Variants in SH2B3 observed in about 807,000 individuals in gnomAD.
The protein encoded by SH2B3 is SH2B adaptor protein 3.
In SH2B3, 43 loss-of-function variants were observed where a neutral mutation model predicts 51.9. The ratio of observed to expected loss-of-function variants is 0.83; its 90% CI spans 0.65 to 1.07. The LOEUF is 1.07. SH2B3 is among the 50% of genes least tolerant of loss of function. The pLI is 0.00. For missense variants in SH2B3, 952 were observed against 834.3 expected, an observed-to-expected ratio of 1.14 and a Z score of -1.74; for synonymous variants, 396 against 376.0, an observed-to-expected ratio of 1.05 and a Z score of -0.62.
chr12:111,414,448 C>T (rs138627344), intron 1 of SH2B3, among the ~76,000 whole-genome samples: 2 of 152,004 alleles, frequency 1.3e-5, no homozygotes, highest in East Asian at 1.9e-4. Flanking sequence ...AAAAATTAAC[C>T]AGGTGTCGTG....
At chr12:111,433,829 G>A (rs1447223440) in intron 2 of SH2B3, among the ~76,000 whole-genome samples, 2 of 152,086 alleles carry the variant, frequency 1.3e-5, no homozygotes, top group Non-Finnish European at 2.9e-5. Flanking sequence ...TCCCAGGCTG[G>A]TCTCGAACAC....
rs572850871 is a variant in SH2B3 at position 111,410,173 on chromosome 12, C to T, written c.-28+3896C>T. ...TGACTCACAGGCGCCCAATGGGGGG[C>T]CCCAGCTGGGAGACTGGGAATGTGA... is the stretch of plus-strand genomic sequence containing the variant. On this transcript the variant is annotated intron_variant, in intron 1 of 7. Transcript: ENST00000341259. This position sits in a 1 kb window ranked among gnomAD's most constrained non-coding sequence, Gnocchi z 4.9. 1.3e-5 allele frequency among the ~76,000 whole-genome samples: 2 copies of T among 152,286 alleles called. No individual in the cohort carries two copies. The highest frequency in any genetic ancestry group is 3.9e-4 in the East Asian group (2 of 5,172).
chr12:111,438,730 C>T lies in SH2B3; in HGVS notation c.733-8023C>T, dbSNP rs1277170169. On this transcript the variant is annotated intron_variant, in intron 2 of 7. Coordinates refer to ENST00000341259, the MANE Select transcript of SH2B3 (RefSeq NM_005475.3). The surrounding 1 kb of genome is among the most constrained non-coding windows in gnomAD (Gnocchi z 4.2). ...AAGGAAGTGAAGGGGCTTTGCGGCTCAGGATTTAGATACTGTGGTCAGGGA... is the reference window on the plus strand; with the variant it reads ...AAGGAAGTGAAGGGGCTTTGCGGCTTAGGATTTAGATACTGTGGTCAGGGA... Among the ~76,000 whole-genome samples the T allele has an allele frequency of 1.3e-5, 2 of 152,120 alleles. No individual in the cohort carries two copies. The highest frequency in any genetic ancestry group is 1.3e-4 in the Admixed American group (2 of 15,280).
rs1002500933 is a variant in SH2B3 at position 111,445,604 on chromosome 12, A to G, written c.733-1149A>G. On this transcript the variant is annotated intron_variant, in intron 2 of 7. Transcript: ENST00000341259. The stretch of plus-strand genomic sequence containing the variant: ...GCCAGTGTTGGTCATTCCTGCAGTC[A>G]TTACTCTCCCCCAGCCTGTTGTGTC... Among the ~76,000 whole-genome samples the G allele has an allele frequency of 1.1e-4, 16 of 152,296 alleles. No individual in the cohort carries two copies. In the South Asian group the frequency reaches 1.7e-3, roughly 16 times the overall value.
intron 2 of SH2B3, among the ~76,000 whole-genome samples, chr12:111,440,305 G>C (rs900883040): frequency 6.6e-6 from 1 of 152,250 alleles, no homozygotes; most frequent in Non-Finnish European, 1.5e-5. Context: ...CTGGCCCGGG[G>C]CAGGGTGGTG....
chr12:111,416,931 G>A (rs1871129640), intron 1 of SH2B3, among the ~76,000 whole-genome samples: 2 of 152,202 alleles, frequency 1.3e-5, no homozygotes, highest in South Asian at 2.1e-4. Flanking sequence ...GGTACCCACT[G>A]TTTCAGGATG....
intron 3 of SH2B3, 25 bp downstream of exon 3, chr12:111,446,879 C>A: frequency 8.7e-6 from 14 of 1,604,710 alleles, no homozygotes; most frequent in Non-Finnish European, 1.1e-5. Flanking sequence ...TTTTCACACC[C>A]TGGGGCAATA....
Position 111,418,871 on chromosome 12 carries a change from ACCCAAGGTAAGTAAG to A in SH2B3, c.730_732+12del. The A allele has an allele frequency of 7.1e-7, 1 of 1,407,242 alleles. No homozygotes were observed. Among genetic ancestry groups the A allele is most frequent in the Non-Finnish European group, 9.1e-7 (1 of 1,094,026 alleles). The allele number at this position is 1,407,242 out of a possible 1,614,324, so 87.2% of individuals were successfully genotyped here. ...ACCGCGTGCTGGAGCTCTTCGACCC[ACCCAAGGTAAGTAAG>A]CCCTGCCCGCGGGGTTGCGCACTGC... On this transcript the variant is annotated splice_donor_variant and splice_donor_5th_base_variant and coding_sequence_variant and intron_variant, in exon 2 of 8. Coordinates refer to ENST00000341259, the MANE Select transcript of SH2B3 (RefSeq NM_005475.3). LOFTEE classifies it high-confidence loss of function. This position sits in a 1 kb window ranked among gnomAD's most constrained non-coding sequence, Gnocchi z 6.7.
chr12:111,405,235 C>T (rs538445017), upstream of SH2B3, among the ~76,000 whole-genome samples: 48 of 152,172 alleles, frequency 3.2e-4, no homozygotes, highest in Non-Finnish European at 5.3e-4. The surrounding 1 kb of genome is among the most constrained non-coding windows in gnomAD (Gnocchi z 5.4). Flanking sequence ...GGGGACAGGA[C>T]GGGCGGCCGG....
intron 2 of SH2B3, among the ~76,000 whole-genome samples, chr12:111,441,637 A>G (rs1873416752): frequency 6.6e-6 from 1 of 152,176 alleles, no homozygotes; most frequent in Non-Finnish European, 1.5e-5. Context: ...TCCTCACCTC[A>G]ATCCCATATT....
chr12:111,424,451 G>A (rs985485883), intron 2 of SH2B3, among the ~76,000 whole-genome samples: 8 of 152,062 alleles, frequency 5.3e-5, no homozygotes, highest in African/African-American at 1.9e-4. Context: ...GTGCTTGCTG[G>A]GCCCTCAGGG....
chr12:111,426,504 G>A (rs777454310), intron 2 of SH2B3, among the ~76,000 whole-genome samples: 6 of 151,662 alleles, frequency 4.0e-5, no homozygotes, highest in African/African-American at 1.2e-4. Flanking sequence ...GATTACAGGC[G>A]TGAGCCACTG....
At chr12:111,427,761 C>T (rs2283358) in intron 2 of SH2B3, among the ~76,000 whole-genome samples, 31,183 of 152,248 alleles carry the variant, frequency 0.2, 3,313 homozygotes, top group East Asian at 0.32. Flanking sequence ...CAGTGGAGGA[C>T]ATGATGGAGT....
Position 111,418,377 on chromosome 12 carries a change from G to C in SH2B3, c.232G>C (p.Glu78Gln). The C allele has an allele frequency of 6.6e-7, 1 of 1,516,140 alleles. No individual in the cohort carries two copies. The highest frequency in any genetic ancestry group is 8.8e-7 in the Non-Finnish European group (1 of 1,137,936). The allele number at this position is 1,516,140 out of a possible 1,614,324, so 93.9% of individuals were successfully genotyped here. ...CCTCTTCCAGCGCTACTTCTGCCGCGAGGTGCGCGACGGACGGGCGCCGGG... is the reference window on the plus strand; with the variant it reads ...CCTCTTCCAGCGCTACTTCTGCCGCCAGGTGCGCGACGGACGGGCGCCGGG... ...TDLFQRYFCR[E>Q]VRDGRAPGRD... Residue 78 changes from glutamate (E) to glutamine (Q), a missense_variant, in exon 2 of 8, where the codon GAG becomes CAG. By Grantham distance (29) the Glu-to-Gln change is conservative. Coordinates refer to ENST00000341259, the MANE Select transcript of SH2B3 (RefSeq NM_005475.3). This position sits in a 1 kb window ranked among gnomAD's most constrained non-coding sequence, Gnocchi z 6.7.
At chr12:111,436,116 C>G (rs551087202) in intron 2 of SH2B3, among the ~76,000 whole-genome samples, 2 of 152,282 alleles carry the variant, frequency 1.3e-5, no homozygotes, top group African/African-American at 4.8e-5. Flanking sequence ...GTCACTGCAG[C>G]GCAGCTCCCG....
At chr12:111,432,341 A>C in intron 2 of SH2B3, among the ~76,000 whole-genome samples, 1 of 151,986 alleles carries the variant, frequency 6.6e-6, no homozygotes, top group Non-Finnish European at 1.5e-5. Flanking sequence ...CACCGCGCCC[A>C]GCCCATTTTT....
intron 2 of SH2B3, chr12:111,444,308 G>A (rs774388276): frequency 6.6e-6 from 1 of 152,222 alleles, no homozygotes; most frequent in Non-Finnish European, 1.5e-5. Flanking sequence ...TGTCAGAGCT[G>A]GCCTACGTCT....
chr12:111,426,229 G>A lies in SH2B3; in HGVS notation c.732+7352G>A, dbSNP rs189917048. 4.0e-3 allele frequency among the ~76,000 whole-genome samples: 604 copies of A among 152,192 alleles called. 1 individual carries two copies. Among genetic ancestry groups the A allele is most frequent in the African/African-American group, 0.014 (562 of 41,532 alleles). On this transcript the variant is annotated intron_variant, in intron 2 of 7. Coordinates refer to ENST00000341259, the MANE Select transcript of SH2B3 (RefSeq NM_005475.3). ...TTACAACCTGCCTCCCTCAGACAAG[G>A]TAGGTTGGAGAATTTCTCTGTGGAT...
At chr12:111,412,117 T>A (rs1174547207) in intron 1 of SH2B3, among the ~76,000 whole-genome samples, 1 of 152,172 alleles carries the variant, frequency 6.6e-6, no homozygotes, top group Non-Finnish European at 1.5e-5. Context: ...GGCGTGATCA[T>A]CATTGCTTCC....
Sources: allele counts gnomAD v4.1 joint callset (sites outside exome capture counted in the v4.1 genomes callset), GRCh38; gene constraint gnomAD v4.1.1; non-coding constraint Gnocchi (gnomAD v3.1); transcripts MANE v1.5; gene names NCBI Gene and HGNC (gene_info 2026-07-23, HGNC 2026-07-21).